Variants in SMOC2 observed in about 807,000 individuals in gnomAD.
SMOC2 encodes SPARC-related modular calcium-binding protein 2.
In SMOC2, 39 loss-of-function variants were observed where a neutral mutation model predicts 61.4. The ratio of observed to expected loss-of-function variants is 0.64; its 90% CI spans 0.49 to 0.83. The LOEUF is 0.83. Among genes scored for constraint, SMOC2 ranks in the 40% least tolerant of loss-of-function variants. The pLI, the probability that SMOC2 is intolerant of heterozygous loss-of-function variation, is 0.00. For synonymous variants in SMOC2, 247 were observed against 239.9 expected (o/e 1.03, Z -0.27); for missense variants, 556 against 592.9 (o/e 0.94, Z 0.65).
chr6:168,547,094 C>A, intron 5 of SMOC2, 25 bp from the exon 6 acceptor site: 2 of 1,614,044 alleles, frequency 1.2e-6, no homozygotes, highest in Non-Finnish European at 1.7e-6. Context: ...AGTCTCCTTG[C>A]AAATCTTTTC....
chr6:168,630,653 G>A (rs1786543480), intron 9 of SMOC2, among the ~76,000 whole-genome samples: 1 of 152,162 alleles, frequency 6.6e-6, no homozygotes, highest in Non-Finnish European at 1.5e-5. Context: ...CGGTGAGCCG[G>A]GTGGAACAGA....
intron 1 of SMOC2, among the ~76,000 whole-genome samples, chr6:168,451,892 C>T (rs1781476679): frequency 1.3e-5 from 2 of 152,154 alleles, no homozygotes; most frequent in Admixed American, 6.5e-5. Context: ...GGCATCTCTC[C>T]CACCACCTAC....
chr6:168,520,667 C>T (rs1264179132), intron 2 of SMOC2, among the ~76,000 whole-genome samples: 2 of 152,244 alleles, frequency 1.3e-5, no homozygotes, highest in African/African-American at 2.4e-5. Flanking sequence ...AAGTTCTCTG[C>T]CTATTGCAGT....
At chr6:168,534,456 C>A (rs1783687846) in intron 4 of SMOC2, among the ~76,000 whole-genome samples, 1 of 152,244 alleles carries the variant, frequency 6.6e-6, no homozygotes, top group Non-Finnish European at 1.5e-5. Flanking sequence ...GACTGGAAGT[C>A]AGGTTCCCCT....
intron 9 of SMOC2, among the ~76,000 whole-genome samples, chr6:168,625,073 C>A (rs1298020825): frequency 1.3e-5 from 2 of 152,194 alleles, no homozygotes; most frequent in Non-Finnish European, 2.9e-5. Flanking sequence ...GCCCCCTGGA[C>A]ACTGTGAAGC....
intron 8 of SMOC2, among the ~76,000 whole-genome samples, chr6:168,607,409 C>T (rs1238782081): frequency 6.6e-6 from 1 of 152,152 alleles, no homozygotes. Flanking sequence ...GAATCTGACA[C>T]CCTTAGGGAC....
intron 1 of SMOC2, among the ~76,000 whole-genome samples, chr6:168,449,278 A>G (rs960380530): frequency 8.5e-5 from 13 of 152,208 alleles, no homozygotes; most frequent in African/African-American, 3.1e-4. Context: ...TCTCAGAACC[A>G]TGTGTACAAA....
At chr6:168,570,748 C>T (rs1161166842) in intron 7 of SMOC2, among the ~76,000 whole-genome samples, 1 of 152,136 alleles carries the variant, frequency 6.6e-6, no homozygotes. Context: ...TTGAAGATAA[C>T]GTAACTTTAA....
chr6:168,454,539 A>C (rs1781538460), intron 1 of SMOC2, among the ~76,000 whole-genome samples: 2 of 152,096 alleles, frequency 1.3e-5, no homozygotes, highest in African/African-American at 4.8e-5. Flanking sequence ...TGCGGCTCTG[A>C]CAGGTTCTGC....
chr6:168,539,583 GCTC>G (rs373842060), intron 4 of SMOC2, among the ~76,000 whole-genome samples: 51 of 152,348 alleles, frequency 3.3e-4, no homozygotes, highest in African/African-American at 1.2e-3. Context: ...TTCCACACCG[GCTC>G]TAGCAGGCTG....
In SMOC2 at chr6:168,600,998, G is replaced by C. The variant is rs142244190; in HGVS notation, c.824+1994G>C. On this transcript the variant is annotated intron_variant, in intron 8 of 12. Transcript: ENST00000356284. ...ATGAATTTGACTTCGATGTGTCCTA[G>C]ATTTATATAAAAATAGTTTTAAAGT... 5.5e-3 allele frequency among the ~76,000 whole-genome samples: 842 copies of C among 152,298 alleles called. 8 individuals are homozygous for C. The highest frequency in any genetic ancestry group is 0.017 in the African/African-American group (708 of 41,556).
intron 8 of SMOC2, among the ~76,000 whole-genome samples, chr6:168,605,202 C>T (rs983861701): frequency 2.0e-5 from 3 of 152,144 alleles, no homozygotes; most frequent in Non-Finnish European, 2.9e-5. Context: ...GCTGGCTGTT[C>T]CTACCTCACA....
intron 7 of SMOC2, among the ~76,000 whole-genome samples, chr6:168,550,605 G>A (rs1440176800): frequency 3.3e-5 from 5 of 152,144 alleles, no homozygotes; most frequent in African/African-American, 1.2e-4. Context: ...TGAAATCACT[G>A]CCTCCAGCCC....
intron 1 of SMOC2, among the ~76,000 whole-genome samples, chr6:168,478,348 G>T (rs535700645): frequency 1.1e-4 from 16 of 152,292 alleles, no homozygotes; most frequent in African/African-American, 3.8e-4. Context: ...ATTGTTATTG[G>T]AGTGGTAGAT....
chr6:168,616,891 CG>C (rs972248648), intron 9 of SMOC2, among the ~76,000 whole-genome samples: 5 of 152,090 alleles, frequency 3.3e-5, no homozygotes, highest in Non-Finnish European at 5.9e-5. Flanking sequence ...CGCTGCACTG[CG>C]GGGGGGTTGC....
At position 168,635,852 on chromosome 6, in the gene SMOC2, C is replaced by G. The variant is rs1315271809; in HGVS notation, c.908-14829C>G. Among the ~76,000 whole-genome samples the G allele has an allele frequency of 3.1e-5, 4 of 130,800 alleles. No individual in the cohort carries two copies. The Admixed American group carries it at 3.5e-4, about 11-fold the overall frequency. The allele number at this position is 130,800 out of a possible 152,430, so 85.8% of individuals were successfully genotyped here. A position where few individuals can be genotyped will look rare whatever the true frequency, so the allele number is the denominator to read the frequency against. On this transcript the variant is annotated intron_variant, in intron 9 of 12. Transcript: ENST00000356284. Reference sequence around the variant, plus strand: ...CACCACTGCACTCCAGCCTGGGCAACAGAACAAGACTCTGTCTCAAAAAAA... The same window carrying G: ...CACCACTGCACTCCAGCCTGGGCAAGAGAACAAGACTCTGTCTCAAAAAAA...
intron 1 of SMOC2, among the ~76,000 whole-genome samples, chr6:168,507,101 G>T (rs1312740397): frequency 6.6e-6 from 1 of 152,166 alleles, no homozygotes; most frequent in Non-Finnish European, 1.5e-5. Flanking sequence ...AATTCCAAAT[G>T]CCTGGATGCT....
chr6:168,491,434 A>G (rs1782469299), intron 1 of SMOC2, among the ~76,000 whole-genome samples: 1 of 152,096 alleles, frequency 6.6e-6, no homozygotes, highest in Non-Finnish European at 1.5e-5. Context: ...GCAGTCTGAG[A>G]AGTTTCTGGC....
intron 4 of SMOC2, among the ~76,000 whole-genome samples, chr6:168,532,623 G>C (rs1414240771): frequency 6.6e-6 from 1 of 152,164 alleles, no homozygotes; most frequent in Non-Finnish European, 1.5e-5. Flanking sequence ...CCTGGCATGA[G>C]TACAAAGTGG....
Sources: allele counts gnomAD v4.1 joint callset (sites outside exome capture counted in the v4.1 genomes callset), GRCh38; gene constraint gnomAD v4.1.1; transcripts MANE v1.5; gene names NCBI Gene and HGNC (gene_info 2026-07-23, HGNC 2026-07-21).